ZNF169: variants seen among roughly 807,000 people sequenced by gnomAD.
ZNF169 encodes the protein zinc finger protein 169.
In ZNF169, 11 loss-of-function variants were observed where a neutral mutation model predicts 12.0. The observed-to-expected ratio is 0.92, with a 90% CI of 0.58 to 1.52. The LOEUF (loss-of-function observed/expected upper bound fraction) is 1.52. Among genes scored for constraint, ZNF169 ranks in the 40% most tolerant of loss-of-function variants. The pLI, the probability that ZNF169 is intolerant of heterozygous loss-of-function variation, is 0.00. For missense variants in ZNF169, 722 were observed against 744.0 expected, an observed-to-expected ratio of 0.97 and a Z score of 0.34; for synonymous variants, 302 against 286.5, an observed-to-expected ratio of 1.05 and a Z score of -0.55.
chr9:94,266,357 T>A (rs185843428), intron 1 of ZNF169, among the ~76,000 whole-genome samples: 6 of 152,300 alleles, frequency 3.9e-5, no homozygotes, highest in African/African-American at 1.4e-4. Flanking sequence ...GGCATTATAA[T>A]CTTTCTGGCT....
chr9:94,271,494 G>C (rs958879788), intron 1 of ZNF169, among the ~76,000 whole-genome samples: 4 of 151,960 alleles, frequency 2.6e-5, no homozygotes, highest in African/African-American at 9.7e-5. Flanking sequence ...GGCCGAGGCG[G>C]GCAGATCACT....
Position 94,284,561 on chromosome 9 carries a change from T to C in ZNF169, c.33+5716T>C, listed in dbSNP as rs1364863140. The stretch of plus-strand genomic sequence containing the variant: ...TAATGAATTAACCAAAGTTGCAGGA[T>C]ACAAAGTAAACACACAAAAATCTGT... On this transcript the variant is annotated intron_variant, in intron 2 of 4. Coordinates refer to ENST00000395395, the MANE Select transcript of ZNF169 (RefSeq NM_194320.4). Among the ~76,000 whole-genome samples, 41 of 152,178 alleles carry C rather than the reference T, an allele frequency of 2.7e-4. 1 individual carries two copies. Among genetic ancestry groups the C allele is most frequent in the Non-Finnish European group, 1.0e-4 (7 of 68,030 alleles).
intron 1 of ZNF169, among the ~76,000 whole-genome samples, chr9:94,277,318 C>T (rs1432001728): frequency 6.6e-6 from 1 of 152,046 alleles, no homozygotes; most frequent in Non-Finnish European, 1.5e-5. Flanking sequence ...TAAAATATTT[C>T]TTATCAGACT....
intron 2 of ZNF169, 80 bp from the exon 3 acceptor site, chr9:94,292,261 C>T (rs1310945852): frequency 1.2e-5 from 20 of 1,611,074 alleles, no homozygotes; most frequent in Middle Eastern, 2.1e-4. Context: ...CTTCTTTCTG[C>T]CTTGACTGTG....
chr9:94,265,837 A>G (rs543420701), intron 1 of ZNF169, among the ~76,000 whole-genome samples: 1 of 152,168 alleles, frequency 6.6e-6, no homozygotes, highest in East Asian at 1.9e-4. Flanking sequence ...TCCTCAGTAA[A>G]CTTGTTTGTG....
At chr9:94,283,151 C>A (rs1382523729) in intron 2 of ZNF169, among the ~76,000 whole-genome samples, 1 of 152,148 alleles carries the variant, frequency 6.6e-6, no homozygotes, top group Non-Finnish European at 1.5e-5. Context: ...TGGCTCATGC[C>A]TGTAATCCCA....
At chr9:94,292,640 T>TGTGTGTGCGCGC (rs35889937) in intron 3 of ZNF169, 173 bp downstream of exon 3, 4 of 740,054 alleles carry the variant, frequency 5.4e-6, no homozygotes, top group Admixed American at 3.0e-5. Flanking sequence ...TGTGTGTGTG[T>TGTGTGTGCGCGC]GCGCGTGCAC....
chr9:94,268,615 C>T (rs1477281331), intron 1 of ZNF169, among the ~76,000 whole-genome samples: 1 of 151,724 alleles, frequency 6.6e-6, no homozygotes, highest in Non-Finnish European at 1.5e-5. Context: ...TGGTGAAACC[C>T]CATCTCTACT....
intron 2 of ZNF169, among the ~76,000 whole-genome samples, chr9:94,289,670 A>G (rs1830792194): frequency 6.6e-6 from 1 of 152,118 alleles, no homozygotes; most frequent in Admixed American, 6.6e-5. Flanking sequence ...GGAGCCTGCA[A>G]TCCTGGCTAC....
chr9:94,263,002 C>T (rs1830231387), intron 1 of ZNF169, among the ~76,000 whole-genome samples: 1 of 152,168 alleles, frequency 6.6e-6, no homozygotes. Flanking sequence ...GGAGTTATTT[C>T]ACAACCCAGC....
At chr9:94,280,124 C>A (rs1027426509) in intron 2 of ZNF169, among the ~76,000 whole-genome samples, 1 of 152,238 alleles carries the variant, frequency 6.6e-6, no homozygotes, top group East Asian at 1.9e-4. Flanking sequence ...TGTATGTAAT[C>A]ATATTCTGGG....
chr9:94,287,275 A>C (rs1428847136), intron 2 of ZNF169, among the ~76,000 whole-genome samples: 2 of 152,192 alleles, frequency 1.3e-5, no homozygotes, highest in African/African-American at 4.8e-5. Flanking sequence ...TGGGGGTCTA[A>C]CATGATATTT....
At chr9:94,291,896 C>T (rs912425242) in intron 2 of ZNF169, among the ~76,000 whole-genome samples, 1 of 152,194 alleles carries the variant, frequency 6.6e-6, no homozygotes, top group African/African-American at 2.4e-5. Context: ...TGTAAGTTCT[C>T]ACCAAATTGA....
rs1831053761 is a variant in ZNF169, at chr9:94,300,812, C to T, written c.1254C>T (p.Ile418=). 6.2e-7 allele frequency: 1 copy of T among 1,613,984 alleles called. No homozygotes were observed. Among genetic ancestry groups the T allele is most frequent in the Admixed American group, 1.7e-5 (1 of 60,000 alleles). ...GCTTTCGCCAAAAGGTCACTCTCAT[C>T]AGGCACCAGAGGACACACACAGGGG... ...GHSFRQKVTL[I]RHQRTHTGEK... is the part of the protein sequence containing the mutation. Residue 418 remains isoleucine, a synonymous_variant, in exon 5 of 5, where the codon ATC becomes ATT. Coordinates refer to ENST00000395395, the MANE Select transcript of ZNF169 (RefSeq NM_194320.4).
At chr9:94,288,175 C>G in intron 2 of ZNF169, 1 of 817,864 alleles carries the variant, frequency 1.2e-6, no homozygotes, top group African/African-American at 1.7e-5. Flanking sequence ...ATGTCTCAGC[C>G]CAGGTTAATG....
At chr9:94,274,115 C>T (rs2118578101) in intron 1 of ZNF169, among the ~76,000 whole-genome samples, 1 of 152,278 alleles carries the variant, frequency 6.6e-6, no homozygotes, top group South Asian at 2.1e-4. Flanking sequence ...GGTCTTCCCA[C>T]CGGAAGTTTT....
chr9:94,287,924 GGCGA>G, intron 2 of ZNF169: 1 of 910,304 alleles, frequency 1.1e-6, no homozygotes, highest in Non-Finnish European at 1.8e-6. Context: ...CTGCTGTCCA[GGCGA>G]GATTGACAGC....
chr9:94,272,149 A>T (rs1172799884), intron 1 of ZNF169, among the ~76,000 whole-genome samples: 1 of 151,498 alleles, frequency 6.6e-6, no homozygotes, highest in African/African-American at 2.4e-5. Flanking sequence ...TGTATGTAGG[A>T]TCTGTAACAA....
intron 2 of ZNF169, among the ~76,000 whole-genome samples, chr9:94,290,222 C>A (rs373594096): frequency 6.6e-6 from 1 of 152,312 alleles, no homozygotes; most frequent in African/African-American, 2.4e-5. Context: ...GGAGAATCTT[C>A]TAAAAATCTG....
Sources: allele counts gnomAD v4.1 joint callset (sites outside exome capture counted in the v4.1 genomes callset), GRCh38; gene constraint gnomAD v4.1.1; transcripts MANE v1.5; gene names NCBI Gene and HGNC (gene_info 2026-07-23, HGNC 2026-07-21).